The following VPS18 variants were observed in gnomAD, a reference collection of about 807,000 sequenced individuals.
VPS18 encodes the protein VPS18 core subunit of CORVET and HOPS complexes.
Under a neutral mutation model 82.0 loss-of-function variants are expected in VPS18, and 25 were observed. The ratio of observed to expected loss-of-function variants is 0.30; its 90% CI spans 0.22 to 0.43. The LOEUF is 0.43. Among genes scored for constraint, VPS18 ranks in the 20% least tolerant of loss-of-function variants. The pLI, the probability that VPS18 is intolerant of heterozygous loss-of-function variation, is 1.00. For synonymous variants in VPS18, 523 were observed against 543.0 expected (o/e 0.96, Z 0.51); for missense variants, 1,168 against 1,311.1 (o/e 0.89, Z 1.69).
chr15:40,897,093 C>G (rs534667244), intron 2 of VPS18, among the ~76,000 whole-genome samples: 217 of 152,046 alleles, frequency 1.4e-3, no homozygotes, highest in African/African-American at 4.9e-3. Flanking sequence ...GTCGGGAGTT[C>G]AAGACCAGCC....
Position 40,899,366 on chromosome 15 carries a change from G to T in VPS18, c.548G>T (p.Gly183Val), listed in dbSNP as rs1339958105. 2.5e-6 allele frequency: 4 copies of T among 1,611,452 alleles called. No homozygotes were observed. Among genetic ancestry groups the T allele is most frequent in the Non-Finnish European group, 3.4e-6 (4 of 1,177,774 alleles). ...ELSASEGGLFGPAPDLYFRPL... is the reference protein window; with the variant it reads ...ELSASEGGLFVPAPDLYFRPL... ...TCAGCCAGCGAAGGTGGGCTTTTCG[G>T]CCCTGCTCCGGATCTCTACTTCCGC... is the stretch of plus-strand genomic sequence containing the variant. Residue 183 changes from glycine to valine, a missense_variant, in exon 4 of 5, where the codon GGC (glycine) becomes GTC (valine). By Grantham distance (109) the Gly-to-Val change is moderately radical (BLOSUM62 -3). Around this residue, in one of 3 missense-constraint regions of VPS18, gnomAD observed 868 missense variants for 939.8 expected, o/e 0.92. Transcript: ENST00000220509. The surrounding 1 kb of genome is among the most constrained non-coding windows in gnomAD (Gnocchi z 4.4).
chr15:40,894,782 T>A lies in VPS18; in HGVS notation c.14T>A (p.Leu5Gln). Residue 5 changes from leucine (L) to glutamine (Q), a missense_variant, in exon 1 of 5, where the codon CTG (leucine) becomes CAG (glutamine). Coordinates refer to ENST00000220509, the MANE Select transcript of VPS18 (RefSeq NM_020857.3). ...AGGCCGGGCACCATGGCGTCCATCCTGGATGAGTACGAGAACTCGCTGTCC... is the reference window on the plus strand; with the variant it reads ...AGGCCGGGCACCATGGCGTCCATCCAGGATGAGTACGAGAACTCGCTGTCC... Reference protein sequence around the residue: MASILDEYENSLSRS... With the variant: MASIQDEYENSLSRS... 6.4e-7 allele frequency: 1 copy of A among 1,552,148 alleles called. No individual in the cohort carries two copies. Among genetic ancestry groups the A allele is most frequent in the Non-Finnish European group, 8.7e-7 (1 of 1,147,588 alleles).
At position 40,902,819 on chromosome 15, in the gene VPS18, C is replaced by A; in HGVS notation, c.2400C>A (p.His800Gln). 1 of 1,614,268 alleles carries A rather than the reference C, an allele frequency of 6.2e-7. No homozygotes were observed. The highest frequency in any genetic ancestry group is 8.5e-7 in the Non-Finnish European group (1 of 1,180,046). Residue 800 changes from histidine to glutamine, a missense_variant, in exon 5 of 5, where the codon CAC (histidine) becomes CAA (glutamine). By Grantham distance (24) the His-to-Gln change is conservative. Coordinates refer to ENST00000220509, the MANE Select transcript of VPS18 (RefSeq NM_020857.3). This position sits in a 1 kb window ranked among gnomAD's most constrained non-coding sequence, Gnocchi z 4.2. ...TTCCTGATTTCGTCACCATCGACCA[C>A]TTCAAGGAGGCGATCTGCAGCTCAC... ...PFFPDFVTID[H>Q]FKEAICSSLK...
Position 40,903,683 on chromosome 15 carries a change from G to C in VPS18, c.*342G>C. On this transcript the variant is annotated 3_prime_UTR_variant, in exon 5 of 5. Transcript: ENST00000220509. ...CCCACACACGTCCTGTTCACCTCGA[G>C]AGAGAGAGAGAGAGAGCACCTTTCT... 1 of 187,614 alleles carries C rather than the reference G, an allele frequency of 5.3e-6. No individual in the cohort carries two copies. Among genetic ancestry groups the C allele is most frequent in the South Asian group, 1.7e-4 (1 of 6,028 alleles). The allele number at this position is 187,614 out of a possible 1,614,324, so 11.6% of individuals were successfully genotyped here.
chr15:40,897,976 T>C (rs1892257360), intron 2 of VPS18, among the ~76,000 whole-genome samples: 1 of 152,186 alleles, frequency 6.6e-6, no homozygotes, highest in South Asian at 2.1e-4. Flanking sequence ...TTTTTCTTTT[T>C]ATTTTTTTGA....
intron 2 of VPS18, among the ~76,000 whole-genome samples, chr15:40,897,130 T>C (rs1378731028): frequency 2.0e-5 from 3 of 151,876 alleles, no homozygotes; most frequent in South Asian, 2.1e-4. Context: ...ACCCCTTCTC[T>C]ACTAAAAATA....
Position 40,900,944 on chromosome 15 carries a change from A to G in VPS18, c.2126A>G (p.His709Arg). 1.9e-6 allele frequency: 3 copies of G among 1,612,600 alleles called. No individual in the cohort carries two copies. The highest frequency in any genetic ancestry group is 2.5e-6 in the Non-Finnish European group (3 of 1,180,018). Residue 709 changes from histidine (H) to arginine (R), a missense_variant, in exon 4 of 5, where the codon CAC (histidine) becomes CGC (arginine). Physicochemically the swap from His to Arg is conservative, Grantham distance 29. Around this residue, in one of 3 missense-constraint regions of VPS18, gnomAD observed 296 missense variants for 354.0 expected, o/e 0.84. Coordinates refer to ENST00000220509, the MANE Select transcript of VPS18 (RefSeq NM_020857.3). The surrounding 1 kb of genome is among the most constrained non-coding windows in gnomAD (Gnocchi z 5.4). ...CTGCGGCTCTGCGCCGAGCATGGCCACCACCGCGCTTGTGTCCATGTCTAC... is the reference window on the plus strand; with the variant it reads ...CTGCGGCTCTGCGCCGAGCATGGCCGCCACCGCGCTTGTGTCCATGTCTAC... ...YALRLCAEHG[H>R]HRACVHVYKV...
intron 1 of VPS18, among the ~76,000 whole-genome samples, 165 bp downstream of exon 1, chr15:40,895,024 G>A (rs1892204910): frequency 6.6e-6 from 1 of 152,270 alleles, no homozygotes; most frequent in Non-Finnish European, 1.5e-5. Flanking sequence ...CTGGTGGATA[G>A]TCGAAGTTTG....
chr15:40,903,373 T>G lies in VPS18; in HGVS notation c.*32T>G, dbSNP rs1208943190. ...GTCACCTTTGATGGGGGGTGGGCAATGGGGAGCAGTGGCTTGAACCCACTT... is the reference window on the plus strand; with the variant it reads ...GTCACCTTTGATGGGGGGTGGGCAAGGGGGAGCAGTGGCTTGAACCCACTT... On this transcript the variant is annotated 3_prime_UTR_variant, in exon 5 of 5. Transcript: ENST00000220509. 9 of 1,515,134 alleles carry G rather than the reference T, an allele frequency of 5.9e-6. No homozygotes were observed. Among genetic ancestry groups the G allele is most frequent in the Non-Finnish European group, 4.4e-6 (5 of 1,132,852 alleles). 93.9% of individuals were successfully genotyped at this position (1,515,134 alleles called of 1,614,324 possible).
intron 2 of VPS18, among the ~76,000 whole-genome samples, chr15:40,896,742 C>G (rs545107498): frequency 6.8e-6 from 1 of 147,572 alleles, no homozygotes; most frequent in Non-Finnish European, 1.5e-5. Context: ...ACCTGGGAGC[C>G]GGAAGTTGCA....
rs542700803 is a variant in VPS18, at chr15:40,902,190, G to A, written c.2197-426G>A. The stretch of plus-strand genomic sequence containing the variant: ...TGCAGTGGCCCAATCTCGGCTCACT[G>A]CAAGCTCAGCCTCCCAGGTTCACGC... On this transcript the variant is annotated intron_variant, in intron 4 of 4. Coordinates refer to ENST00000220509, the MANE Select transcript of VPS18 (RefSeq NM_020857.3). This position sits in a 1 kb window ranked among gnomAD's most constrained non-coding sequence, Gnocchi z 4.2. Among the ~76,000 whole-genome samples, 47 of 150,816 alleles carry A rather than the reference G, an allele frequency of 3.1e-4. 2 individuals carry two copies. In the South Asian group the frequency reaches 8.6e-3, roughly 27 times the overall value.
chr15:40,900,921 G>A lies in VPS18; in HGVS notation c.2103G>A (p.Leu701=), dbSNP rs1345182169. Reference sequence around the variant, plus strand: ...TGCATTACGACCTCAAGTATGCGCTGCGGCTCTGCGCCGAGCATGGCCACC... The same window carrying A: ...TGCATTACGACCTCAAGTATGCGCTACGGCTCTGCGCCGAGCATGGCCACC... ...HRVHYDLKYA[L]RLCAEHGHHR... The change falls in exon 4 of 5, where the codon CTG becomes CTA. Residue 701 remains leucine (L), a synonymous_variant. Coordinates refer to ENST00000220509, the MANE Select transcript of VPS18 (RefSeq NM_020857.3). The surrounding 1 kb of genome is among the most constrained non-coding windows in gnomAD (Gnocchi z 5.4). 6.2e-7 allele frequency: 1 copy of A among 1,613,616 alleles called. No individual in the cohort carries two copies. The highest frequency in any genetic ancestry group is 1.3e-5 in the African/African-American group (1 of 75,062).
At position 40,899,883 on chromosome 15, in the gene VPS18, G is replaced by T; in HGVS notation, c.1065G>T (p.Leu355=). 2.5e-6 allele frequency: 4 copies of T among 1,609,612 alleles called. No homozygotes were observed. Among genetic ancestry groups the T allele is most frequent in the Non-Finnish European group, 3.4e-6 (4 of 1,180,014 alleles). ...GCACACTGACCGGGCAGGTGGTGCT[G>T]CGGGATCACTTCCTGGAGAAATTTG... ...AVCTLTGQVV[L]RDHFLEKFGP... The change falls in exon 4 of 5, where the codon CTG becomes CTT. Residue 355 remains leucine, a synonymous_variant. Coordinates refer to ENST00000220509, the MANE Select transcript of VPS18 (RefSeq NM_020857.3). This position sits in a 1 kb window ranked among gnomAD's most constrained non-coding sequence, Gnocchi z 4.4.
At chr15:40,898,052 C>T (rs553249864) in intron 2 of VPS18, among the ~76,000 whole-genome samples, 70 of 152,208 alleles carry the variant, frequency 4.6e-4, no homozygotes, top group Non-Finnish European at 2.9e-4. Flanking sequence ...CTGCAAGCTC[C>T]GCCTCCCGGG....
chr15:40,898,441 T>G (rs117900708), intron 2 of VPS18, among the ~76,000 whole-genome samples: 5,618 of 151,550 alleles, frequency 0.037, 138 homozygotes, highest in Non-Finnish European at 0.055. Context: ...TCAGGGCTAC[T>G]CCATAGGCAG....
intron 1 of VPS18, among the ~76,000 whole-genome samples, 168 bp downstream of exon 1, chr15:40,895,027 G>C (rs1892204998): frequency 6.6e-6 from 1 of 152,220 alleles, no homozygotes; most frequent in African/African-American, 2.4e-5. Context: ...GTGGATAGTC[G>C]AAGTTTGAAA....
chr15:40,895,104 C>T (rs1410812967), intron 1 of VPS18, among the ~76,000 whole-genome samples: 3 of 152,108 alleles, frequency 2.0e-5, no homozygotes, highest in Admixed American at 2.0e-4. Flanking sequence ...GAATTGGGGC[C>T]CAGATAAGGA....
Position 40,900,297 on chromosome 15 carries a change from C to G in VPS18, c.1479C>G (p.Thr493=), listed in dbSNP as rs776048992. Residue 493 remains threonine, a synonymous_variant, in exon 4 of 5, where the codon ACC becomes ACG. Transcript: ENST00000220509. The surrounding 1 kb of genome is among the most constrained non-coding windows in gnomAD (Gnocchi z 5.4). The stretch of plus-strand genomic sequence containing the variant: ...GTACCCAGGCCACACTGCTGACCAC[C>G]TGGCTGACAGAGCTCTACCTGAGCC... ...AERTQATLLT[T]WLTELYLSRL... The G allele has an allele frequency of 1.9e-6, 3 of 1,613,828 alleles. No individual in the cohort carries two copies. The Admixed American group carries it at 5.0e-5, about 27-fold the overall frequency.
In VPS18 at chr15:40,903,430, A is replaced by G; in HGVS notation, c.*89A>G. The G allele has an allele frequency of 1.3e-6, 2 of 1,483,506 alleles. No individual in the cohort carries two copies. Among genetic ancestry groups the G allele is most frequent in the Non-Finnish European group, 1.8e-6 (2 of 1,117,068 alleles). The allele number at this position is 1,483,506 out of a possible 1,614,324, so 91.9% of individuals were successfully genotyped here. A position where few individuals can be genotyped will look rare whatever the true frequency, so the allele number is the denominator to read the frequency against. ...GCTGCCTCCTAGGCTCTGCTCAGTC[A>G]TCTTGCAATTGCCACACTGTGACCA... On this transcript the variant is annotated 3_prime_UTR_variant, in exon 5 of 5. Transcript: ENST00000220509.
Sources: allele counts gnomAD v4.1 joint callset (sites outside exome capture counted in the v4.1 genomes callset), GRCh38; gene constraint gnomAD v4.1.1; regional missense constraint gnomAD v4.1.1; non-coding constraint Gnocchi (gnomAD v3.1); transcripts MANE v1.5; gene names NCBI Gene and HGNC (gene_info 2026-07-23, HGNC 2026-07-21).